TTC39B: variants seen among roughly 807,000 people sequenced by gnomAD.
TTC39B encodes the protein tetratricopeptide repeat domain 39B, also known as tetratricopeptide repeat protein 39B.
A neutral mutation model predicts 96.6 loss-of-function variants in TTC39B; 92 were observed. That is an observed-to-expected ratio of 0.95 (90% CI 0.80 to 1.13). The LOEUF is 1.13. Among genes scored for constraint, TTC39B ranks in the 50% most tolerant of loss-of-function variants. TTC39B has a pLI of 0.00. For synonymous variants in TTC39B, 367 were observed against 299.4 expected (o/e 1.23, Z -2.33); for missense variants, 955 against 809.3 (o/e 1.18, Z -2.18).
chr9:15,262,683 AATAAG>A (rs1247455675), intron 2 of TTC39B, among the ~76,000 whole-genome samples: 1 of 152,214 alleles, frequency 6.6e-6, no homozygotes, highest in East Asian at 1.9e-4. Flanking sequence ...GAAAAAGAAA[AATAAG>A]AAACTATTTG....
At chr9:15,188,362 G>T (rs1216461272) in intron 13 of TTC39B, among the ~76,000 whole-genome samples, 1 of 152,112 alleles carries the variant, frequency 6.6e-6, no homozygotes, top group East Asian at 1.9e-4. Flanking sequence ...GAGTGGGGAG[G>T]TTCCATTCCA....
At chr9:15,278,560 C>T (rs982092635) in intron 1 of TTC39B, among the ~76,000 whole-genome samples, 1 of 152,176 alleles carries the variant, frequency 6.6e-6, no homozygotes, top group African/African-American at 2.4e-5. Context: ...ACAGGAATAT[C>T]TGGGGCTGTT....
At chr9:15,235,525 G>T (rs949686641) in intron 2 of TTC39B, among the ~76,000 whole-genome samples, 2 of 152,066 alleles carry the variant, frequency 1.3e-5, no homozygotes, top group Non-Finnish European at 2.9e-5. Context: ...GACTATCCAA[G>T]GTCAACACTA....
intron 2 of TTC39B, among the ~76,000 whole-genome samples, chr9:15,233,262 T>A (rs1821532659): frequency 6.6e-6 from 1 of 152,096 alleles, no homozygotes; most frequent in Admixed American, 6.5e-5. Flanking sequence ...CAGATGTGGT[T>A]TCCACCTGGC....
intron 2 of TTC39B, among the ~76,000 whole-genome samples, chr9:15,244,005 C>A (rs1270368299): frequency 6.6e-6 from 1 of 152,188 alleles, no homozygotes; most frequent in Non-Finnish European, 1.5e-5. Context: ...GTTTTCCTTG[C>A]CCATAGTCAT....
In TTC39B at chr9:15,230,301, T is replaced by G. The variant is rs147312214; in HGVS notation, c.276-4289A>C. ...TGTTTACAATCAATGGTTTTTAGTA[T>G]ATTCACAGACTATCACCACAATCTA... On this transcript the variant is annotated intron_variant, in intron 2 of 19. Transcript: ENST00000512701. Among the ~76,000 whole-genome samples the G allele has an allele frequency of 5.6e-4, 85 of 151,794 alleles. 1 individual carries two copies. The highest frequency in any genetic ancestry group is 1.9e-3 in the African/African-American group (79 of 41,262).
chr9:15,248,603 T>TGAATGAAC (rs1822389956), intron 2 of TTC39B, among the ~76,000 whole-genome samples: 2 of 75,934 alleles, frequency 2.6e-5, no homozygotes, highest in Admixed American at 2.4e-4. Flanking sequence ...TAAACATTTT[T>TGAATGAAC]GAATGAATGA....
chr9:15,291,845 C>A (rs1824200925), intron 1 of TTC39B, among the ~76,000 whole-genome samples: 1 of 152,146 alleles, frequency 6.6e-6, no homozygotes, highest in African/African-American at 2.4e-5. Flanking sequence ...AGAACATGGG[C>A]AAGCTTGCAA....
chr9:15,248,835 G>C (rs1298259357), intron 2 of TTC39B, among the ~76,000 whole-genome samples: 6 of 152,148 alleles, frequency 3.9e-5, no homozygotes, highest in Non-Finnish European at 7.4e-5. Context: ...CCTGCAGGAA[G>C]TCAACCAAAA....
intron 3 of TTC39B, among the ~76,000 whole-genome samples, chr9:15,216,540 G>C (rs918721269): frequency 1.3e-5 from 2 of 152,160 alleles, no homozygotes; most frequent in Non-Finnish European, 2.9e-5. Context: ...CAAGAAAGTT[G>C]CCTGACACCT....
intron 2 of TTC39B, among the ~76,000 whole-genome samples, chr9:15,257,125 C>A (rs1822779968): frequency 6.6e-6 from 1 of 152,096 alleles, no homozygotes; most frequent in Non-Finnish European, 1.5e-5. Context: ...AAAAAGCGAC[C>A]TTTGCAAGCT....
At chr9:15,203,856 A>G (rs1228081190) in exon 7 of TTC39B, 1 of 1,613,500 alleles carries the variant, frequency 6.2e-7, no homozygotes, top group East Asian at 2.2e-5. Flanking sequence ...TCTGTAGGAG[A>G]CACTCGGCAT....
At chr9:15,255,860 C>T (rs1822731712) in intron 2 of TTC39B, among the ~76,000 whole-genome samples, 1 of 152,080 alleles carries the variant, frequency 6.6e-6, no homozygotes, top group East Asian at 1.9e-4. Context: ...TCCAAAAGAT[C>T]CCTTAACTAA....
chr9:15,236,684 C>CA (rs1821796202), intron 2 of TTC39B, among the ~76,000 whole-genome samples: 1 of 152,114 alleles, frequency 6.6e-6, no homozygotes, highest in Admixed American at 6.5e-5. Context: ...CAAAACTATA[C>CA]AAGTACATGG....
intron 19 of TTC39B, among the ~76,000 whole-genome samples, chr9:15,172,613 G>T (rs925055303): frequency 6.6e-6 from 1 of 152,044 alleles, no homozygotes; most frequent in Admixed American, 6.6e-5. Flanking sequence ...CAATGGTTTG[G>T]CCAATAATTA....
chr9:15,207,457 A>T (rs1819928820), intron 6 of TTC39B, among the ~76,000 whole-genome samples: 1 of 152,184 alleles, frequency 6.6e-6, no homozygotes, highest in Non-Finnish European at 1.5e-5. Context: ...TCCGTATATG[A>T]CACATTTCAT....
At chr9:15,283,295 T>C (rs984160596) in intron 1 of TTC39B, among the ~76,000 whole-genome samples, 1 of 152,252 alleles carries the variant, frequency 6.6e-6, no homozygotes, top group East Asian at 1.9e-4. Context: ...CTATTCTGAT[T>C]AATAAGCTAT....
At chr9:15,205,374 T>C (rs1215628286) in intron 6 of TTC39B, among the ~76,000 whole-genome samples, 1 of 152,200 alleles carries the variant, frequency 6.6e-6, no homozygotes, top group Admixed American at 6.5e-5. Flanking sequence ...TTTCTTGCAC[T>C]TATACACATA....
chr9:15,287,279 G>A (rs967412352), intron 1 of TTC39B, among the ~76,000 whole-genome samples: 19 of 152,220 alleles, frequency 1.2e-4, no homozygotes, highest in Admixed American at 6.5e-5. Flanking sequence ...CATTAAGAGA[G>A]AGGGAGAGAA....
Sources: gnomAD v4.1 joint callset for allele counts (sites outside exome capture counted in the v4.1 genomes callset) on GRCh38, gnomAD v4.1.1 for gene constraint, MANE v1.5 for transcripts, NCBI Gene and HGNC (gene_info 2026-07-23, HGNC 2026-07-21) for gene names.